The following ZCWPW2 variants were observed in gnomAD, a reference collection of about 807,000 sequenced individuals.
ZCWPW2 encodes zinc finger CW-type and PWWP domain containing 2.
A neutral mutation model predicts 46.6 loss-of-function variants in ZCWPW2; 45 were observed. The ratio of observed to expected loss-of-function variants is 0.96; its 90% CI spans 0.76 to 1.24. The LOEUF (loss-of-function observed/expected upper bound fraction) is 1.24. Ranked by LOEUF, ZCWPW2 falls within the 50% of genes most tolerant of loss-of-function variation. The pLI is 0.00. For missense variants in ZCWPW2, 429 were observed against 403.9 expected (o/e 1.06, Z -0.53); for synonymous variants, 152 against 137.1 (o/e 1.11, Z -0.76).
At position 28,413,087 on chromosome 3, in the gene ZCWPW2, G is replaced by T. The variant is rs1247046917; in HGVS notation, c.19G>T (p.Asp7Tyr). The T allele has an allele frequency of 6.2e-7, 1 of 1,608,344 alleles. No individual in the cohort carries two copies. The highest frequency in any genetic ancestry group is 8.5e-7 in the Non-Finnish European group (1 of 1,176,742). Residue 7 changes from aspartate (D) to tyrosine (Y), a missense_variant, in exon 3 of 10, where the codon GAT (aspartate) becomes TAT (tyrosine). Asp to Tyr is a radical substitution (Grantham distance 160). Coordinates refer to ENST00000383768, the MANE Select transcript of ZCWPW2 (RefSeq NM_001040432.4). ...TGCCTTAATGGATAAAGAAAAATTG[G>T]ATGTTAAGATTGAATATTGTAACTA... MDKEKL[D>Y]VKIEYCNYAM...
At chr3:28,487,038 G>A (rs1441249914) in intron 5 of ZCWPW2, among the ~76,000 whole-genome samples, 1 of 151,806 alleles carries the variant, frequency 6.6e-6, no homozygotes, top group African/African-American at 2.4e-5. Flanking sequence ...CTTCTTTCAA[G>A]ATTTTATTTT....
At chr3:28,475,778 T>G (rs1237250179) in intron 4 of ZCWPW2, among the ~76,000 whole-genome samples, 1 of 152,160 alleles carries the variant, frequency 6.6e-6, no homozygotes, top group Non-Finnish European at 1.5e-5. Context: ...CTGCCCTCCT[T>G]CAGGGAGATC....
chr3:28,507,449 G>T (rs1019882002), intron 6 of ZCWPW2, among the ~76,000 whole-genome samples: 4 of 150,086 alleles, frequency 2.7e-5, no homozygotes, highest in African/African-American at 4.9e-5. Context: ...GCTCTACATT[G>T]TCTTTGGAGA....
intron 5 of ZCWPW2, among the ~76,000 whole-genome samples, 191 bp from the exon 6 acceptor site, chr3:28,491,936 T>G (rs1442725789): frequency 1.3e-5 from 2 of 152,084 alleles, no homozygotes; most frequent in Non-Finnish European, 2.9e-5. Context: ...ATATTATTAC[T>G]TTTGGATTGC....
At chr3:28,468,854 G>A (rs1347449039) in intron 4 of ZCWPW2, among the ~76,000 whole-genome samples, 1 of 152,124 alleles carries the variant, frequency 6.6e-6, no homozygotes, top group East Asian at 1.9e-4. Flanking sequence ...GGATCTTCCT[G>A]AGCAATACAA....
rs1308617041 is a variant in ZCWPW2 at position 28,367,214 on chromosome 3, C to T, written c.-134+18011C>T. On this transcript the variant is annotated intron_variant, in intron 1 of 9. Coordinates refer to ENST00000383768, the MANE Select transcript of ZCWPW2 (RefSeq NM_001040432.4). ...TTTGAATGTGTTTGCTCTTGCTTCT[C>T]TAGTTCTTTTAATTGTGATGTTAGG... 3.9e-5 allele frequency among the ~76,000 whole-genome samples: 6 copies of T among 152,080 alleles called. No homozygotes were observed. The East Asian group carries it at 1.2e-3, about 29-fold the overall frequency.
At chr3:28,459,704 C>G (rs148769104) in intron 4 of ZCWPW2, among the ~76,000 whole-genome samples, 39 of 152,110 alleles carry the variant, frequency 2.6e-4, no homozygotes, top group African/African-American at 8.7e-4. Flanking sequence ...ATCCAGAGCC[C>G]TCTCATTTTC....
chr3:28,464,554 A>G (rs1698751865), intron 4 of ZCWPW2, among the ~76,000 whole-genome samples: 2 of 152,198 alleles, frequency 1.3e-5, no homozygotes, highest in Non-Finnish European at 2.9e-5. Flanking sequence ...GAGAGCACCA[A>G]TCCTAGATTG....
At chr3:28,431,976 GA>G (rs1697274932) in intron 3 of ZCWPW2, among the ~76,000 whole-genome samples, 1 of 152,268 alleles carries the variant, frequency 6.6e-6, no homozygotes, top group Middle Eastern at 3.4e-3. Flanking sequence ...GCTGAGCAAA[GA>G]GGGAAAAGCC....
intron 6 of ZCWPW2, among the ~76,000 whole-genome samples, chr3:28,504,721 G>A (rs1048990804): frequency 2.6e-5 from 4 of 152,080 alleles, no homozygotes; most frequent in Non-Finnish European, 5.9e-5. Context: ...AGTAGGAATT[G>A]TTTCAACTGA....
At chr3:28,441,271 C>A (rs1479493479) in intron 4 of ZCWPW2, among the ~76,000 whole-genome samples, 1 of 152,170 alleles carries the variant, frequency 6.6e-6, no homozygotes, top group Non-Finnish European at 1.5e-5. Flanking sequence ...ATCCACATAC[C>A]TCTTCCCCAA....
At chr3:28,487,989 A>G (rs1002512941) in intron 5 of ZCWPW2, among the ~76,000 whole-genome samples, 1 of 152,134 alleles carries the variant, frequency 6.6e-6, no homozygotes. Context: ...AGGCCTTGCT[A>G]AGAAGTACAG....
intron 4 of ZCWPW2, among the ~76,000 whole-genome samples, chr3:28,477,837 TG>T (rs1317939637): frequency 6.6e-6 from 1 of 152,168 alleles, no homozygotes; most frequent in African/African-American, 2.4e-5. Context: ...ATGAAAATGA[TG>T]GCATGCATTT....
rs17029786 is a variant in ZCWPW2 at position 28,465,269 on chromosome 3, T to C, written c.493-13545T>C. Among the ~76,000 whole-genome samples the C allele has an allele frequency of 2.9e-3, 440 of 152,334 alleles. 5 individuals are homozygous for C. The highest frequency in any genetic ancestry group is 9.8e-3 in the African/African-American group (409 of 41,580). The stretch of plus-strand genomic sequence containing the variant: ...GTAGTTCATTCAAGCATGATGTTCA[T>C]TCATCTTTCACAAACTTTATCCAGT... On this transcript the variant is annotated intron_variant, in intron 4 of 9. Coordinates refer to ENST00000383768, the MANE Select transcript of ZCWPW2 (RefSeq NM_001040432.4).
rs562929651 is a variant in ZCWPW2 at position 28,349,017 on chromosome 3, C to T, written c.-320C>T. Reference sequence around the variant, plus strand: ...CTGCCGCTGTCCGCGGGCTCGGCGCCAGGGACGCGCGAGGAAACCGGAAGT... The same window carrying T: ...CTGCCGCTGTCCGCGGGCTCGGCGCTAGGGACGCGCGAGGAAACCGGAAGT... On this transcript the variant is annotated 5_prime_UTR_variant, in exon 1 of 10. Coordinates refer to ENST00000383768, the MANE Select transcript of ZCWPW2 (RefSeq NM_001040432.4). 1.2e-5 allele frequency: 12 copies of T among 986,032 alleles called. 1 individual carries two copies. The South Asian group carries it at 5.2e-4, about 42-fold the overall frequency. 61.1% of individuals were successfully genotyped at this position (986,032 alleles called of 1,614,324 possible).
At chr3:28,416,867 C>A (rs10428073) in intron 3 of ZCWPW2, among the ~76,000 whole-genome samples, 10 of 121,554 alleles carry the variant, frequency 8.2e-5, no homozygotes, top group Non-Finnish European at 1.5e-4. Context: ...GGATGAAGCC[C>A]ACTTGATCAT....
intron 3 of ZCWPW2, among the ~76,000 whole-genome samples, chr3:28,421,036 A>T (rs1373569303): frequency 1.3e-5 from 2 of 151,238 alleles, no homozygotes; most frequent in African/African-American, 2.4e-5. Flanking sequence ...TTCATTTTGG[A>T]TCTTATTTAA....
At chr3:28,363,020 T>C (rs1575048473) in intron 1 of ZCWPW2, among the ~76,000 whole-genome samples, 1 of 119,424 alleles carries the variant, frequency 8.4e-6, no homozygotes, top group South Asian at 2.6e-4. Context: ...TGAGACCACA[T>C]GGACAGAAAG....
chr3:28,461,663 A>G (rs1427735887), intron 4 of ZCWPW2: 1 of 152,166 alleles, frequency 6.6e-6, no homozygotes, highest in Non-Finnish European at 1.5e-5. Context: ...ATAAATATTT[A>G]CTCAACTCCT....
Sources: gnomAD v4.1 joint callset for allele counts (sites outside exome capture counted in the v4.1 genomes callset) on GRCh38, gnomAD v4.1.1 for gene constraint, MANE v1.5 for transcripts, NCBI Gene and HGNC (gene_info 2026-07-23, HGNC 2026-07-21) for gene names.